CCDC27: variants seen among roughly 807,000 people sequenced by gnomAD.
CCDC27 encodes coiled-coil domain-containing protein 27.
In CCDC27, 80 loss-of-function variants were observed where a neutral mutation model predicts 80.3. That is an observed-to-expected ratio of 1.00 (90% CI 0.83 to 1.20). The LOEUF (loss-of-function observed/expected upper bound fraction) is 1.20. Ranked by LOEUF, CCDC27 falls within the 50% of genes most tolerant of loss-of-function variation. The probability of loss-of-function intolerance (pLI) is 0.00; values close to 1 mark genes in which losing one functional copy is unlikely to be tolerated. For missense variants in CCDC27, 815 were observed against 809.4 expected (o/e 1.01, Z -0.08); for synonymous variants, 342 against 334.3 (o/e 1.02, Z -0.25).
At position 3,763,521 on chromosome 1, in the gene CCDC27, C is replaced by A. The variant is rs778739204; in HGVS notation, c.1321+47C>A. The A allele has an allele frequency of 1.9e-6, 3 of 1,553,230 alleles. No homozygotes were observed. Among genetic ancestry groups the A allele is most frequent in the Non-Finnish European group, 2.6e-6 (3 of 1,149,266 alleles). ...CTGGGCTTTGGCCACTCAGTGGTTC[C>A]CGGCCCAGGAGCTGGGACGCCCAGA... On this transcript the variant is annotated intron_variant, in intron 7 of 11. Coordinates refer to ENST00000294600, the MANE Select transcript of CCDC27 (RefSeq NM_152492.3). This position sits in a 1 kb window ranked among gnomAD's most constrained non-coding sequence, Gnocchi z 7.5.
At position 3,766,471 on chromosome 1, in the gene CCDC27, C is replaced by A. The variant is rs561160389; in HGVS notation, c.1453-64C>A. On this transcript the variant is annotated intron_variant, in intron 8 of 11. Coordinates refer to ENST00000294600, the MANE Select transcript of CCDC27 (RefSeq NM_152492.3). This position sits in a 1 kb window ranked among gnomAD's most constrained non-coding sequence, Gnocchi z 6.1. The stretch of plus-strand genomic sequence containing the variant: ...TTTGGGGAAGGAAAAAAGTTAGATG[C>A]CGGAATTCAGTCTGTTATCTAAACC... 24 of 1,177,916 alleles carry A rather than the reference C, an allele frequency of 2.0e-5. No individual in the cohort carries two copies. In the South Asian group the frequency reaches 3.0e-4, roughly 15 times the overall value. The allele number at this position is 1,177,916 out of a possible 1,614,324, so 73.0% of individuals were successfully genotyped here.
At chr1:3,753,855 G>A (rs889011262) in intron 1 of CCDC27, among the ~76,000 whole-genome samples, 9 of 152,192 alleles carry the variant, frequency 5.9e-5, no homozygotes, top group South Asian at 2.1e-4. Context: ...CAGGGCCCCC[G>A]TCTGTCTAGG....
intron 4 of CCDC27, among the ~76,000 whole-genome samples, chr1:3,757,362 A>G (rs1443863053): frequency 1.3e-5 from 2 of 152,140 alleles, no homozygotes; most frequent in Non-Finnish European, 2.9e-5. Flanking sequence ...CCTCATTAAA[A>G]TGAAAGAAAG....
Position 3,752,551 on chromosome 1 carries a change from C to G in CCDC27, c.70C>G (p.Leu24Val), listed in dbSNP as rs763771932. ...GAGAGATCCACGGGAAAAGCCGGGC[C>G]TGTCCTCATTCAGGTCCACATTCAG... The part of the protein sequence containing the change: ...LKRDPREKPG[L>V]SSFRSTFRQQ... The change falls in exon 1 of 12, where the codon CTG (leucine) becomes GTG (valine). Residue 24 changes from leucine to valine, a missense_variant. Transcript: ENST00000294600. The G allele has an allele frequency of 1.2e-6, 2 of 1,614,192 alleles. No individual in the cohort carries two copies. Among genetic ancestry groups the G allele is most frequent in the Non-Finnish European group, 1.7e-6 (2 of 1,180,048 alleles).
Position 3,766,703 on chromosome 1 carries a change from T to C in CCDC27, c.1530+91T>C, listed in dbSNP as rs1220714971. 2.9e-6 allele frequency: 3 copies of C among 1,034,112 alleles called. No homozygotes were observed. The Admixed American group carries it at 6.2e-5, about 21-fold the overall frequency. 64.1% of individuals were successfully genotyped at this position (1,034,112 alleles called of 1,614,324 possible). ...CAAAGGGCAAGACGGGGCTGGAGCG[T>C]CTTCACAGCTGAGCCAGGACCCCTT... On this transcript the variant is annotated intron_variant, in intron 9 of 11. Transcript: ENST00000294600. This position sits in a 1 kb window ranked among gnomAD's most constrained non-coding sequence, Gnocchi z 6.1.
In CCDC27 at chr1:3,762,604, C is replaced by T. The variant is rs1357910348; in HGVS notation, c.862-16C>T. ...GGAGGGGCTGGAAAGCTGAGGGTCCCACGGGCGTCTTGCAGGAGCAGCTCT... is the reference window on the plus strand; with the variant it reads ...GGAGGGGCTGGAAAGCTGAGGGTCCTACGGGCGTCTTGCAGGAGCAGCTCT... On this transcript the variant is annotated splice_polypyrimidine_tract_variant and intron_variant, in intron 5 of 11. Coordinates refer to ENST00000294600, the MANE Select transcript of CCDC27 (RefSeq NM_152492.3). 1 of 1,549,174 alleles carries T rather than the reference C, an allele frequency of 6.5e-7. No individual in the cohort carries two copies. Among genetic ancestry groups the T allele is most frequent in the Admixed American group, 2.0e-5 (1 of 50,910 alleles).
At chr1:3,762,782 T>A in intron 6 of CCDC27, 70 bp downstream of exon 6, 1 of 1,374,826 alleles carries the variant, frequency 7.3e-7, no homozygotes, top group Non-Finnish European at 1.0e-6. Flanking sequence ...GCTGCTTAAC[T>A]AAGAGGCCCA....
chr1:3,758,188 T>C (rs1341654479), intron 4 of CCDC27, among the ~76,000 whole-genome samples: 1 of 152,164 alleles, frequency 6.6e-6, no homozygotes, highest in African/African-American at 2.4e-5. Context: ...ATTTTATTAA[T>C]TAATTTATTT....
Position 3,767,229 on chromosome 1 carries a change from C to G in CCDC27, c.1531-4C>G. On this transcript the variant is annotated splice_polypyrimidine_tract_variant and splice_region_variant and intron_variant, in intron 9 of 11. Coordinates refer to ENST00000294600, the MANE Select transcript of CCDC27 (RefSeq NM_152492.3). ...ACCTCTTTTTTCTCCCCGGCTGTCC[C>G]CAGCAAGTGTCGGAACTGGAGAGAA... 1 of 1,613,536 alleles carries G rather than the reference C, an allele frequency of 6.2e-7. No individual in the cohort carries two copies. Among genetic ancestry groups the G allele is most frequent in the Non-Finnish European group, 8.5e-7 (1 of 1,179,714 alleles).
chr1:3,766,557 A>T lies in CCDC27; in HGVS notation c.1475A>T (p.Lys492Met), dbSNP rs1359620061. 6.2e-7 allele frequency: 1 copy of T among 1,613,782 alleles called. No homozygotes were observed. Among genetic ancestry groups the T allele is most frequent in the East Asian group, 2.2e-5 (1 of 44,880 alleles). Residue 492 changes from lysine (K) to methionine (M), a missense_variant, in exon 9 of 12, where the codon AAG becomes ATG. By Grantham distance (95) the Lys-to-Met change is moderately conservative (BLOSUM62 -1). Transcript: ENST00000294600. The surrounding 1 kb of genome is among the most constrained non-coding windows in gnomAD (Gnocchi z 6.1). ...TDKFSNLRED[K>M]KHQEMMGLIE... ...CAGTTCTCCAACCTCCGAGAAGATA[A>T]GAAACACCAAGAGATGATGGGGCTC...
intron 3 of CCDC27, chr1:3,755,845 T>C (rs1642939416): frequency 4.7e-6 from 2 of 423,170 alleles, no homozygotes; most frequent in Non-Finnish European, 8.8e-6. Flanking sequence ...CAGTGGCTGA[T>C]GGGTGCATCC....
rs770276450 is a variant in CCDC27 at position 3,771,501 on chromosome 1, C to A, written c.1949C>A (p.Ser650Tyr). The stretch of plus-strand genomic sequence containing the variant: ...TCAGAGGCCTTCCTGACCAGCAAAT[C>A]CAAGAAGGGGACCTCCAAGTAGGCC... Reference protein sequence around the residue: ...QQSEAFLTSKSKKGTSK With the variant: ...QQSEAFLTSKYKKGTSK Residue 650 changes from serine (S) to tyrosine (Y), a missense_variant, in exon 12 of 12, where the codon TCC (serine) becomes TAC (tyrosine). Coordinates refer to ENST00000294600, the MANE Select transcript of CCDC27 (RefSeq NM_152492.3). 3.7e-6 allele frequency: 6 copies of A among 1,613,846 alleles called. No homozygotes were observed. The South Asian group carries it at 6.6e-5, about 18-fold the overall frequency.
In CCDC27 at chr1:3,771,012, C is replaced by T. The variant is rs529268409; in HGVS notation, c.1849-389C>T. ...GAAGGGACTTGAGGGACAGATGTGA[C>T]GACCTCAAAGATCTCTAGGAGTCTG... On this transcript the variant is annotated intron_variant, in intron 11 of 11. Transcript: ENST00000294600. Among the ~76,000 whole-genome samples, 11 of 152,254 alleles carry T rather than the reference C, an allele frequency of 7.2e-5. No individual in the cohort carries two copies. The East Asian group carries it at 9.6e-4, about 13-fold the overall frequency.
Position 3,763,908 on chromosome 1 carries a change from C to T in CCDC27, c.1452+72C>T, listed in dbSNP as rs185789262. ...CAGGCTTCATTAACCCCCGGCAGCTCGGGGCAGGCGCTGCCCGTCCCATCT... is the reference window on the plus strand; with the variant it reads ...CAGGCTTCATTAACCCCCGGCAGCTTGGGGCAGGCGCTGCCCGTCCCATCT... On this transcript the variant is annotated intron_variant, in intron 8 of 11. Coordinates refer to ENST00000294600, the MANE Select transcript of CCDC27 (RefSeq NM_152492.3). This position sits in a 1 kb window ranked among gnomAD's most constrained non-coding sequence, Gnocchi z 7.5. 866 of 1,562,860 alleles carry T rather than the reference C, an allele frequency of 5.5e-4. 2 individuals carry two copies. Among genetic ancestry groups the T allele is most frequent in the African/African-American group, 3.5e-3 (258 of 73,772 alleles).
rs1186761791 is a variant in CCDC27, at chr1:3,762,058, G to A, written c.862-562G>A. On this transcript the variant is annotated intron_variant, in intron 5 of 11. Transcript: ENST00000294600. The stretch of plus-strand genomic sequence containing the variant: ...GTGGGCAGAGGACTGGACGAGGCAG[G>A]TCTGTGTTGTGCCCAGGGGCGGTCA... 2.0e-5 allele frequency among the ~76,000 whole-genome samples: 3 copies of A among 152,326 alleles called. No homozygotes were observed. The East Asian group carries it at 5.8e-4, about 29-fold the overall frequency.
chr1:3,757,975 G>A (rs184921584), intron 4 of CCDC27, among the ~76,000 whole-genome samples: 5 of 151,044 alleles, frequency 3.3e-5, no homozygotes, highest in African/African-American at 1.2e-4. Flanking sequence ...GGCAGGTCTC[G>A]AACTCCTGGG....
At position 3,761,168 on chromosome 1, in the gene CCDC27, G is replaced by GT. The variant is rs34277338; in HGVS notation, c.712-109dup. ...ATCTTGAAATCCCTGGGACCCTGGG[G>GT]TTTTGGGGTACCACGACAGCAGATC... On this transcript the variant is annotated intron_variant, in intron 4 of 11. Transcript: ENST00000294600. This position sits in a 1 kb window ranked among gnomAD's most constrained non-coding sequence, Gnocchi z 5.0. 1 of 1,295,536 alleles carries GT rather than the reference G, an allele frequency of 7.7e-7. No homozygotes were observed. Among genetic ancestry groups the GT allele is most frequent in the East Asian group, 2.3e-5 (1 of 42,860 alleles). 80.3% of individuals were successfully genotyped at this position (1,295,536 alleles called of 1,614,324 possible).
At chr1:3,771,302 G>A (rs377104305) in intron 11 of CCDC27, 99 bp from the exon 12 acceptor site, 3 of 1,478,162 alleles carry the variant, frequency 2.0e-6, no homozygotes, top group African/African-American at 2.8e-5. Flanking sequence ...AGGAGGAGAG[G>A]GTGGCGTCCC....
rs1557624917 is a variant in CCDC27 at position 3,761,453 on chromosome 1, CAGCGCAG to C, written c.861+27_861+33del. 6.2e-7 allele frequency: 1 copy of C among 1,610,740 alleles called. No individual in the cohort carries two copies. The highest frequency in any genetic ancestry group is 1.3e-5 in the African/African-American group (1 of 74,748). ...AGGGTGAGCCAGCCCCAGCGGGGCA[CAGCGCAG>C]AGCTCTAAGACGGTTGTTTTCAAAG... On this transcript the variant is annotated intron_variant, in intron 5 of 11. Coordinates refer to ENST00000294600, the MANE Select transcript of CCDC27 (RefSeq NM_152492.3). The surrounding 1 kb of genome is among the most constrained non-coding windows in gnomAD (Gnocchi z 5.0).
Sources: gnomAD v4.1 joint callset for allele counts (sites outside exome capture counted in the v4.1 genomes callset) on GRCh38, gnomAD v4.1.1 for gene constraint, Gnocchi (gnomAD v3.1) non-coding constraint, MANE v1.5 for transcripts, NCBI Gene and HGNC (gene_info 2026-07-23, HGNC 2026-07-21) for gene names.